Variants in CHIC2 observed in about 807,000 individuals in gnomAD.
CHIC2 encodes the protein cysteine rich hydrophobic domain 2.
In CHIC2, 14 loss-of-function variants were observed where a neutral mutation model predicts 25.9. The ratio of observed to expected loss-of-function variants is 0.54; its 90% confidence interval spans 0.36 to 0.85. CHIC2 has a LOEUF of 0.85. Among genes scored for constraint, CHIC2 ranks in the 40% least tolerant of loss-of-function variants. The pLI is 0.01. For synonymous variants in CHIC2, 70 were observed against 72.0 expected (o/e 0.97, Z 0.14); for missense variants, 146 against 202.0 (o/e 0.72, Z 1.68).
the CHIC2 span, chr4:54,086,789 C>G: frequency 1.3e-5 from 4 of 304,328 alleles, no homozygotes; most frequent in Non-Finnish European, 2.4e-5. Context: ...GTAGAAACCT[C>G]TGATTACAGA....
chr4:54,014,976 T>G (rs1715697083), intron 3 of CHIC2, among the ~76,000 whole-genome samples: 1 of 152,084 alleles, frequency 6.6e-6, no homozygotes, highest in African/African-American at 2.4e-5. Context: ...ACTATTAATG[T>G]GGTATAAAGA....
the CHIC2 span, among the ~76,000 whole-genome samples, chr4:54,078,111 A>G: frequency 6.6e-6 from 1 of 152,250 alleles, no homozygotes; most frequent in Non-Finnish European, 1.5e-5. Flanking sequence ...GTGGGATTCT[A>G]TAATTAGTGC....
chr4:54,036,280 C>T (rs900323642), intron 3 of CHIC2, among the ~76,000 whole-genome samples: 8 of 152,036 alleles, frequency 5.3e-5, no homozygotes, highest in Admixed American at 5.2e-4. Flanking sequence ...ACTAAAATCT[C>T]GTTAGGCTGT....
chr4:54,073,024 T>C, the CHIC2 span, among the ~76,000 whole-genome samples: 2 of 151,754 alleles, frequency 1.3e-5, no homozygotes, highest in Non-Finnish European at 2.9e-5. Context: ...GCCGAGATCG[T>C]GCCACTGCAC....
chr4:54,019,619 C>A (rs1715838628), intron 3 of CHIC2, among the ~76,000 whole-genome samples: 1 of 152,088 alleles, frequency 6.6e-6, no homozygotes, highest in Admixed American at 6.5e-5. Context: ...AAAAAAGAAA[C>A]ATGTACACAA....
At chr4:54,066,911 C>T (rs949040070), upstream of CHIC2, among the ~76,000 whole-genome samples, 1 of 152,344 alleles carries the variant, frequency 6.6e-6, no homozygotes, top group African/African-American at 2.4e-5. Context: ...TATGTAGAAA[C>T]AGTGGCCAAG....
At chr4:54,040,000 G>T (rs968683564) in intron 3 of CHIC2, among the ~76,000 whole-genome samples, 8 of 152,132 alleles carry the variant, frequency 5.3e-5, no homozygotes, top group African/African-American at 1.7e-4. Flanking sequence ...GTATTGTAGG[G>T]ATAGACAACA....
chr4:54,073,961 C>A, the CHIC2 span, among the ~76,000 whole-genome samples: 9 of 152,098 alleles, frequency 5.9e-5, no homozygotes, highest in African/African-American at 2.2e-4. Context: ...TGGAGACCAT[C>A]CTGGCCAACT....
chr4:54,067,902 C>G (rs1717547007), upstream of CHIC2, among the ~76,000 whole-genome samples: 1 of 150,180 alleles, frequency 6.7e-6, no homozygotes. Flanking sequence ...CGTGCATGTA[C>G]TATGGACTGA....
At chr4:54,049,526 C>G (rs999235496) in intron 1 of CHIC2, among the ~76,000 whole-genome samples, 50 of 152,010 alleles carry the variant, frequency 3.3e-4, no homozygotes, top group African/African-American at 1.2e-3. Context: ...TGATAAGGGG[C>G]TGAATGTTAA....
At chr4:54,050,708 T>C (rs1188173890) in intron 1 of CHIC2, among the ~76,000 whole-genome samples, 3 of 152,114 alleles carry the variant, frequency 2.0e-5, no homozygotes, top group East Asian at 3.9e-4. Flanking sequence ...TAACATACTG[T>C]ACAGGTTTGT....
the CHIC2 span, among the ~76,000 whole-genome samples, chr4:54,070,465 C>T: frequency 2.0e-5 from 3 of 151,940 alleles, no homozygotes; most frequent in Non-Finnish European, 4.4e-5. Context: ...TCTTGTCGCC[C>T]AGGCTGGAGT....
intron 1 of CHIC2, chr4:54,060,557 T>C (rs954091171): frequency 6.6e-6 from 1 of 152,170 alleles, no homozygotes; most frequent in East Asian, 1.9e-4. Flanking sequence ...GCAAATAATG[T>C]CTGTTATAAT....
upstream of CHIC2, among the ~76,000 whole-genome samples, chr4:54,067,811 G>A (rs1026987303): frequency 2.0e-5 from 3 of 152,090 alleles, no homozygotes; most frequent in Non-Finnish European, 4.4e-5. Context: ...GTGGCCATTG[G>A]CAGCTTCACC....
chr4:54,071,039 A>G, the CHIC2 span, among the ~76,000 whole-genome samples: 3 of 152,228 alleles, frequency 2.0e-5, no homozygotes, highest in Non-Finnish European at 4.4e-5. Context: ...GTGCAATACA[A>G]CTATGCAAAA....
chr4:54,075,843 G>T, the CHIC2 span, among the ~76,000 whole-genome samples: 1 of 152,048 alleles, frequency 6.6e-6, no homozygotes, highest in African/African-American at 2.4e-5. Context: ...CCACTGTGCC[G>T]GCCATATTTA....
intron 3 of CHIC2, among the ~76,000 whole-genome samples, chr4:54,036,329 T>C (rs186161861): frequency 1.3e-5 from 2 of 152,318 alleles, no homozygotes; most frequent in African/African-American, 4.8e-5. Flanking sequence ...GACTAGATAA[T>C]TTATAATGAA....
At chr4:54,025,044 C>A (rs1016714633) in intron 3 of CHIC2, among the ~76,000 whole-genome samples, 3 of 151,920 alleles carry the variant, frequency 2.0e-5, no homozygotes, top group Admixed American at 6.6e-5. Flanking sequence ...ACCCGCCCCC[C>A]CAAAATTTTT....
At chr4:54,017,410 G>T (rs150530573) in intron 3 of CHIC2, among the ~76,000 whole-genome samples, 1 of 152,248 alleles carries the variant, frequency 6.6e-6, no homozygotes, top group Non-Finnish European at 1.5e-5. Context: ...TTCTTTAAGA[G>T]AATTTAGTGC....
Sources: gnomAD v4.1 joint callset for allele counts (sites outside exome capture counted in the v4.1 genomes callset) on GRCh38, gnomAD v4.1.1 for gene constraint, MANE v1.5 for transcripts, NCBI Gene and HGNC (gene_info 2026-07-23, HGNC 2026-07-21) for gene names.